GPC5: variants seen among roughly 807,000 people sequenced by gnomAD.
GPC5 encodes the protein glypican 5.
GPC5 carries 47 observed loss-of-function variants against 53.9 expected under a neutral mutation model. That is an observed-to-expected ratio of 0.87 (90% CI 0.69 to 1.11). GPC5 has a LOEUF of 1.11. Among genes scored for constraint, GPC5 ranks in the 50% most tolerant of loss-of-function variants. The pLI is 0.00. For missense variants in GPC5, 748 were observed against 713.1 expected (o/e 1.05, Z -0.56); for synonymous variants, 286 against 263.3 (o/e 1.09, Z -0.84).
At chr13:92,150,226 AT>A (rs2041897742) in intron 7 of GPC5, among the ~76,000 whole-genome samples, 1 of 152,022 alleles carries the variant, frequency 6.6e-6, no homozygotes, top group African/African-American at 2.4e-5. Flanking sequence ...GCACACTTTG[AT>A]CTACACTTTA....
chr13:92,838,074 G>A (rs1425703804), intron 7 of GPC5, among the ~76,000 whole-genome samples: 1 of 147,698 alleles, frequency 6.8e-6, no homozygotes, highest in Non-Finnish European at 1.5e-5. Context: ...GCAAAACTTC[G>A]TCTCAAAAAA....
intron 7 of GPC5, among the ~76,000 whole-genome samples, chr13:92,832,154 G>C (rs1160019158): frequency 6.6e-6 from 1 of 152,088 alleles, no homozygotes; most frequent in African/African-American, 2.4e-5. Flanking sequence ...TAAAAAAATA[G>C]AATCTCAAAA....
At chr13:91,886,559 A>G (rs934873792) in intron 5 of GPC5, among the ~76,000 whole-genome samples, 1 of 152,156 alleles carries the variant, frequency 6.6e-6, no homozygotes, top group African/African-American at 2.4e-5. Context: ...AGTCCCTTCC[A>G]CCTATAAGCC....
chr13:91,736,162 T>A (rs2036809923), intron 4 of GPC5, among the ~76,000 whole-genome samples: 1 of 151,068 alleles, frequency 6.6e-6, no homozygotes, highest in South Asian at 2.1e-4. Flanking sequence ...GGGTGAGGGA[T>A]GAATTAAAAA....
intron 5 of GPC5, among the ~76,000 whole-genome samples, chr13:91,765,943 G>A (rs945098133): frequency 1.6e-4 from 24 of 152,246 alleles, no homozygotes; most frequent in African/African-American, 5.3e-4. Context: ...GGAACGGAGT[G>A]TTATACTATA....
chr13:91,909,406 G>A (rs959588396), intron 6 of GPC5, among the ~76,000 whole-genome samples: 1 of 152,140 alleles, frequency 6.6e-6, no homozygotes, highest in Non-Finnish European at 1.5e-5. Context: ...TCACTGTGAG[G>A]ACACGGTGAA....
chr13:91,783,622 A>G (rs1447140176), intron 5 of GPC5, among the ~76,000 whole-genome samples: 1 of 151,746 alleles, frequency 6.6e-6, no homozygotes, highest in Non-Finnish European at 1.5e-5. Context: ...ATTTTTTTTT[A>G]GTAGAGATGG....
intron 2 of GPC5, among the ~76,000 whole-genome samples, chr13:91,567,756 C>G (rs1276689456): frequency 6.6e-6 from 1 of 152,184 alleles, no homozygotes. Flanking sequence ...CTCCCAATCT[C>G]CCAACTCCAC....
intron 2 of GPC5, among the ~76,000 whole-genome samples, chr13:91,532,113 G>A (rs1304272949): frequency 6.6e-6 from 1 of 152,106 alleles, no homozygotes; most frequent in Non-Finnish European, 1.5e-5. Context: ...ATGAAAAAAA[G>A]GCAGATTAAG....
intron 7 of GPC5, among the ~76,000 whole-genome samples, chr13:92,639,212 A>G (rs982728385): frequency 4.6e-5 from 7 of 152,180 alleles, no homozygotes; most frequent in Admixed American, 3.9e-4. Context: ...CTTGTAACAT[A>G]CCCACTAAAT....
At chr13:92,210,492 C>T (rs2042367197) in intron 7 of GPC5, among the ~76,000 whole-genome samples, 1 of 152,124 alleles carries the variant, frequency 6.6e-6, no homozygotes, top group South Asian at 2.1e-4. Context: ...AACGTTATCA[C>T]TAGACTTCCT....
chr13:92,074,471 G>C (rs1019132585), intron 6 of GPC5, among the ~76,000 whole-genome samples: 1 of 152,176 alleles, frequency 6.6e-6, no homozygotes, highest in African/African-American at 2.4e-5. Context: ...AAAACACAGA[G>C]GGTATAAGTG....
At chr13:92,199,762 G>T (rs2139058600) in intron 7 of GPC5, among the ~76,000 whole-genome samples, 1 of 152,090 alleles carries the variant, frequency 6.6e-6, no homozygotes. Context: ...AAGCATTGAA[G>T]TTTTATTTTA....
At chr13:92,510,432 T>A (rs1165241269) in intron 7 of GPC5, among the ~76,000 whole-genome samples, 1 of 152,204 alleles carries the variant, frequency 6.6e-6, no homozygotes, top group Non-Finnish European at 1.5e-5. Context: ...TTTGTCTTAA[T>A]ATCCTTTCTT....
intron 7 of GPC5, among the ~76,000 whole-genome samples, chr13:92,623,009 T>C (rs184303094): frequency 5.3e-5 from 8 of 152,080 alleles, no homozygotes; most frequent in African/African-American, 1.7e-4. Flanking sequence ...TCCTCTGAGA[T>C]AACAGAAAAG....
chr13:92,421,555 C>T (rs952206309), intron 7 of GPC5, among the ~76,000 whole-genome samples: 7 of 151,622 alleles, frequency 4.6e-5, no homozygotes, highest in East Asian at 3.9e-4. Flanking sequence ...AAAAATTAGT[C>T]GGGCGTGGTG....
intron 7 of GPC5, among the ~76,000 whole-genome samples, chr13:92,817,079 A>G (rs1877501521): frequency 6.6e-6 from 1 of 152,002 alleles, no homozygotes; most frequent in Admixed American, 6.5e-5. Flanking sequence ...TAAGGTTGGA[A>G]GAACAATGCA....
At chr13:92,281,938 C>G (rs1198673118) in intron 7 of GPC5, among the ~76,000 whole-genome samples, 1 of 152,128 alleles carries the variant, frequency 6.6e-6, no homozygotes, top group African/African-American at 2.4e-5. Context: ...TTCAGACGAT[C>G]AAACTTCTCT....
chr13:92,041,924 G>T (rs2040944823), intron 6 of GPC5, among the ~76,000 whole-genome samples: 1 of 152,174 alleles, frequency 6.6e-6, no homozygotes, highest in Admixed American at 6.5e-5. Flanking sequence ...AAAGTTCTAA[G>T]TACTGAATCA....
Sources: allele counts gnomAD v4.1 joint callset (sites outside exome capture counted in the v4.1 genomes callset), GRCh38; gene constraint gnomAD v4.1.1; transcripts MANE v1.5; gene names NCBI Gene and HGNC (gene_info 2026-07-23, HGNC 2026-07-21).